Variants in SVEP1 observed in about 807,000 individuals in gnomAD.
The protein encoded by SVEP1 is sushi, von Willebrand factor type A, EGF and pentraxin domain containing 1.
SVEP1 carries 164 observed loss-of-function variants against 367.3 expected under a neutral mutation model. The observed-to-expected ratio is 0.45, with a 90% CI of 0.39 to 0.51. The LOEUF (loss-of-function observed/expected upper bound fraction) is 0.51. SVEP1 is among the 20% of genes least tolerant of loss of function. SVEP1 has a pLI of 0.00. For synonymous variants in SVEP1, 1,666 were observed against 1,611.6 expected (o/e 1.03, Z -0.81); for missense variants, 4,117 against 4,425.3 (o/e 0.93, Z 1.98).
At chr9:110,453,378 G>A (rs546795204) in intron 22 of SVEP1, among the ~76,000 whole-genome samples, 1 of 152,184 alleles carries the variant, frequency 6.6e-6, no homozygotes, top group African/African-American at 2.4e-5. Flanking sequence ...CAAGGGAATT[G>A]AGAATAAGAT....
At chr9:110,463,252 ATTC>A (rs1828886509) in intron 18 of SVEP1, among the ~76,000 whole-genome samples, 1 of 152,066 alleles carries the variant, frequency 6.6e-6, no homozygotes, top group South Asian at 2.1e-4. Flanking sequence ...TGTCGAACTT[ATTC>A]TTCTGATAAA....
intron 40 of SVEP1, among the ~76,000 whole-genome samples, chr9:110,400,527 C>T (rs188269336): frequency 7.8e-4 from 119 of 152,146 alleles, no homozygotes; most frequent in African/African-American, 2.7e-3. Context: ...CCACCATGAA[C>T]AGCTAATTTT....
intron 20 of SVEP1, among the ~76,000 whole-genome samples, chr9:110,457,947 T>C (rs993566378): frequency 6.6e-5 from 10 of 152,166 alleles, no homozygotes; most frequent in African/African-American, 2.4e-4. Context: ...ACTGAATCTA[T>C]TAAAGTAACC....
chr9:110,502,685 A>C (rs914186405), intron 6 of SVEP1, among the ~76,000 whole-genome samples: 3 of 152,224 alleles, frequency 2.0e-5, no homozygotes, highest in African/African-American at 7.2e-5. Context: ...TTCCATTAAT[A>C]AGGTAAATGT....
At chr9:110,505,663 C>T (rs978221755) in intron 5 of SVEP1, among the ~76,000 whole-genome samples, 1 of 152,078 alleles carries the variant, frequency 6.6e-6, no homozygotes, top group African/African-American at 2.4e-5. Context: ...TATCCAATAA[C>T]CTTTTTTAAA....
At chr9:110,517,222 G>A (rs1390349321) in intron 3 of SVEP1, among the ~76,000 whole-genome samples, 2 of 152,138 alleles carry the variant, frequency 1.3e-5, no homozygotes, top group African/African-American at 4.8e-5. Flanking sequence ...CACTTTGGGA[G>A]GCTGAGGCAG....
chr9:110,495,836 G>C (rs938346461), intron 8 of SVEP1, among the ~76,000 whole-genome samples: 3 of 152,078 alleles, frequency 2.0e-5, no homozygotes, highest in African/African-American at 7.2e-5. Context: ...AATAATGCTG[G>C]ATTCAGACAA....
At chr9:110,564,945 C>T (rs926193705) in intron 1 of SVEP1, among the ~76,000 whole-genome samples, 2 of 151,990 alleles carry the variant, frequency 1.3e-5, no homozygotes, top group Non-Finnish European at 2.9e-5. Flanking sequence ...TTACATGCTT[C>T]CTCTTACAAT....
chr9:110,412,995 G>T (rs1268124247), intron 36 of SVEP1, among the ~76,000 whole-genome samples: 7 of 151,338 alleles, frequency 4.6e-5, no homozygotes, highest in African/African-American at 1.7e-4. Flanking sequence ...ATTCCTCAGG[G>T]ATCTAGAACT....
rs774668015 is a variant in SVEP1, at chr9:110,404,340, ATGT to A, written c.9650_9652del (p.Asn3217del). 6.2e-7 allele frequency: 1 copy of A among 1,613,958 alleles called. No individual in the cohort carries two copies. The highest frequency in any genetic ancestry group is 1.7e-5 in the Admixed American group (1 of 60,012). ...ACAGAATCTTACCTGACATACTGAT[ATGT>A]TAACTCCCTCAAAGGTATACCCTTC... On this transcript the variant is annotated inframe_deletion, in exon 39 of 48. Transcript: ENST00000374469.
At chr9:110,507,258 G>A (rs180943774) in intron 5 of SVEP1, among the ~76,000 whole-genome samples, 7 of 152,246 alleles carry the variant, frequency 4.6e-5, no homozygotes, top group South Asian at 2.1e-4. Context: ...TTGAGACTCC[G>A]GGTGGGATAT....
chr9:110,393,957 G>A lies in SVEP1; in HGVS notation c.9823-4370C>T, dbSNP rs114056202. Among the ~76,000 whole-genome samples, 869 of 152,282 alleles carry A rather than the reference G, an allele frequency of 5.7e-3. 8 individuals are homozygous for A. The highest frequency in any genetic ancestry group is 0.02 in the African/African-American group (821 of 41,558). On this transcript the variant is annotated intron_variant, in intron 40 of 47. Transcript: ENST00000374469. Reference sequence around the variant, plus strand: ...CAGGGCACAGACAAACAAAAAGACGGCAGTAACTCTGAAGACTTAAATGTC... The same window carrying A: ...CAGGGCACAGACAAACAAAAAGACGACAGTAACTCTGAAGACTTAAATGTC...
intron 6 of SVEP1, among the ~76,000 whole-genome samples, chr9:110,502,793 G>T (rs1390579636): frequency 1.3e-5 from 2 of 152,096 alleles, no homozygotes; most frequent in Non-Finnish European, 2.9e-5. Context: ...AAAAAGGCAT[G>T]GTCATTTGAA....
chr9:110,424,407 A>G (rs1395724238), intron 36 of SVEP1, among the ~76,000 whole-genome samples: 2 of 152,208 alleles, frequency 1.3e-5, no homozygotes, highest in Non-Finnish European at 2.9e-5. Context: ...TAGAATATGA[A>G]GCAACAGATA....
rs754591614 is a variant in SVEP1 at position 110,369,935 on chromosome 9, T to A, written c.10682A>T (p.His3561Leu). The A allele has an allele frequency of 2.5e-6, 4 of 1,612,936 alleles. No homozygotes were observed. In the African/African-American group the frequency reaches 5.3e-5, roughly 22 times the overall value. The change falls in exon 47 of 48, where the codon CAT (histidine) becomes CTT (leucine). Residue 3561 changes from histidine (H) to leucine (L), a missense_variant. By Grantham distance (99) the His-to-Leu change is moderately conservative. Coordinates refer to ENST00000374469, the MANE Select transcript of SVEP1 (RefSeq NM_153366.4). ...RCHCLSSWTG[H>L]NCSRKRRTGF ...TTGGTTATCTTACCTGGAACAGTTATGTCCCGTCCAAGAAGAAAGACAGTG... is the reference window on the plus strand; with the variant it reads ...TTGGTTATCTTACCTGGAACAGTTAAGTCCCGTCCAAGAAGAAAGACAGTG...
At chr9:110,531,949 A>G (rs1830022966) in intron 3 of SVEP1, among the ~76,000 whole-genome samples, 1 of 152,188 alleles carries the variant, frequency 6.6e-6, no homozygotes, top group African/African-American at 2.4e-5. Flanking sequence ...TGTTGAACTC[A>G]GCCTTCCAGA....
intron 14 of SVEP1, chr9:110,475,925 A>G: frequency 3.3e-6 from 1 of 306,326 alleles, no homozygotes; most frequent in Non-Finnish European, 6.0e-6. Flanking sequence ...CTTTTAGGAT[A>G]CATCAACATT....
chr9:110,387,137 A>G (rs1023014088), intron 42 of SVEP1, 148 bp downstream of exon 42: 10 of 721,202 alleles, frequency 1.4e-5, no homozygotes, highest in Non-Finnish European at 1.9e-5. Context: ...TTTTTAAAAT[A>G]TCCCAGAGAA....
chr9:110,528,051 C>A (rs1588093679), intron 3 of SVEP1, among the ~76,000 whole-genome samples: 1 of 149,684 alleles, frequency 6.7e-6, no homozygotes, highest in African/African-American at 2.5e-5. Flanking sequence ...CATTTTATGG[C>A]TGAATAGTAT....
Sources: gnomAD v4.1 joint callset for allele counts (sites outside exome capture counted in the v4.1 genomes callset) on GRCh38, gnomAD v4.1.1 for gene constraint, MANE v1.5 for transcripts, NCBI Gene and HGNC (gene_info 2026-07-23, HGNC 2026-07-21) for gene names.